Variants in MAP2K6 observed in about 807,000 individuals in gnomAD.
The protein encoded by MAP2K6 is mitogen-activated protein kinase kinase 6.
A neutral mutation model predicts 53.7 loss-of-function variants in MAP2K6; 16 were observed. That is an observed-to-expected ratio of 0.30 (90% CI 0.20 to 0.45). The LOEUF is 0.45. Ranked by LOEUF, MAP2K6 falls within the 20% of genes least tolerant of loss-of-function variation. The pLI, the probability that MAP2K6 is intolerant of heterozygous loss-of-function variation, is 1.00. For missense variants in MAP2K6, 204 were observed against 411.9 expected, an observed-to-expected ratio of 0.50 and a Z score of 4.37; for synonymous variants, 132 against 143.1, an observed-to-expected ratio of 0.92 and a Z score of 0.55.
chr17:69,451,055 A>G (rs1468396454), intron 1 of MAP2K6, among the ~76,000 whole-genome samples: 2 of 152,208 alleles, frequency 1.3e-5, no homozygotes, highest in African/African-American at 4.8e-5. Flanking sequence ...CAGAGAAAAC[A>G]GCGTGAATAA....
chr17:69,478,644 C>T (rs563910125), intron 1 of MAP2K6, among the ~76,000 whole-genome samples: 12 of 152,160 alleles, frequency 7.9e-5, no homozygotes, highest in African/African-American at 2.6e-4. Flanking sequence ...ATGTTGGTCT[C>T]GAACTCCTGA....
intron 1 of MAP2K6, chr17:69,485,569 G>T (rs1908502891): frequency 2.2e-6 from 1 of 453,336 alleles, no homozygotes; most frequent in Non-Finnish European, 2.9e-6. Flanking sequence ...ATGCTGCTTA[G>T]GACCCCATGG....
intron 2 of MAP2K6, among the ~76,000 whole-genome samples, chr17:69,508,756 A>T (rs1193652242): frequency 6.6e-6 from 1 of 152,226 alleles, no homozygotes; most frequent in Non-Finnish European, 1.5e-5. Flanking sequence ...TTTTGCATTT[A>T]AGCCCATGGT....
intron 2 of MAP2K6, among the ~76,000 whole-genome samples, chr17:69,512,297 T>G (rs1909863335): frequency 6.7e-6 from 1 of 150,366 alleles, no homozygotes. Context: ...ATGGTGCAGC[T>G]CTGGGTTCTA....
At chr17:69,509,149 T>C (rs1909681256) in intron 2 of MAP2K6, among the ~76,000 whole-genome samples, 1 of 152,230 alleles carries the variant, frequency 6.6e-6, no homozygotes, top group South Asian at 2.1e-4. Context: ...CAGAGAAACT[T>C]ACTGAGATTT....
Position 69,551,894 on chromosome 17 carries a change from T to G in MAP2K6, c.*10141T>G, listed in dbSNP as rs1336430601. 6.6e-6 allele frequency: 1 copy of G among 152,246 alleles called. No individual in the cohort carries two copies. Among genetic ancestry groups the G allele is most frequent in the Non-Finnish European group, 1.5e-5 (1 of 68,048 alleles). The allele number at this position is 152,246 out of a possible 1,614,324, so 9.4% of individuals were successfully genotyped here. On this transcript the variant is annotated 3_prime_UTR_variant, in exon 12 of 12. Transcript: ENST00000590474. ...TTATTTAAATACATGAACAGTTTTC[T>G]ATATATTTTGTGAAAATCTTGATGA...
intron 1 of MAP2K6, among the ~76,000 whole-genome samples, chr17:69,427,415 CAT>C (rs931506787): frequency 9.9e-5 from 15 of 151,620 alleles, no homozygotes; most frequent in African/African-American, 3.4e-4. Context: ...AAAAGATAAA[CAT>C]ATAAAAATAA....
chr17:69,458,747 G>A (rs910476959), intron 1 of MAP2K6, among the ~76,000 whole-genome samples: 1 of 152,136 alleles, frequency 6.6e-6, no homozygotes, highest in African/African-American at 2.4e-5. Flanking sequence ...GTTTTTGTTA[G>A]CATCTGTGGC....
chr17:69,501,726 C>T (rs1013161385), intron 1 of MAP2K6: 3 of 152,064 alleles, frequency 2.0e-5, no homozygotes, highest in Admixed American at 6.5e-5. Context: ...AATAAGCAGT[C>T]GAGGCTTGTT....
chr17:69,488,183 A>G (rs1353857169), intron 1 of MAP2K6, among the ~76,000 whole-genome samples: 2 of 152,214 alleles, frequency 1.3e-5, no homozygotes, highest in African/African-American at 4.8e-5. Flanking sequence ...ACATACAAAA[A>G]AATGCTCCAC....
intron 11 of MAP2K6, among the ~76,000 whole-genome samples, 168 bp from the exon 12 acceptor site, chr17:69,541,508 G>A (rs1911632782): frequency 6.6e-6 from 1 of 152,054 alleles, no homozygotes; most frequent in Non-Finnish European, 1.5e-5. Context: ...TCTTTAAAAT[G>A]TTTGCATCAC....
At chr17:69,436,536 C>T (rs999215019) in intron 1 of MAP2K6, among the ~76,000 whole-genome samples, 2 of 152,114 alleles carry the variant, frequency 1.3e-5, no homozygotes, top group African/African-American at 4.8e-5. Flanking sequence ...CAACAAGTAC[C>T]TTTAGAATAA....
chr17:69,492,975 A>C (rs1374698484), intron 1 of MAP2K6, among the ~76,000 whole-genome samples: 1 of 151,546 alleles, frequency 6.6e-6, no homozygotes, highest in Non-Finnish European at 1.5e-5. Context: ...CTGAATCCAA[A>C]GCCAGCATCA....
chr17:69,499,843 A>G (rs1463818532), intron 1 of MAP2K6, among the ~76,000 whole-genome samples: 2 of 152,104 alleles, frequency 1.3e-5, no homozygotes, highest in Non-Finnish European at 2.9e-5. Context: ...TTGTAGAGAG[A>G]GTGGACATTT....
intron 1 of MAP2K6, among the ~76,000 whole-genome samples, chr17:69,462,479 T>C (rs1907652773): frequency 6.6e-6 from 1 of 152,180 alleles, no homozygotes; most frequent in African/African-American, 2.4e-5. Flanking sequence ...ACCAGCCATC[T>C]AAGGAGCTTT....
At chr17:69,506,837 G>C (rs1372459959) in intron 2 of MAP2K6, among the ~76,000 whole-genome samples, 1 of 152,220 alleles carries the variant, frequency 6.6e-6, no homozygotes, top group Non-Finnish European at 1.5e-5. Context: ...CTACTCTTCA[G>C]GGTTCTGGAC....
chr17:69,509,534 G>T (rs1406399688), intron 2 of MAP2K6, among the ~76,000 whole-genome samples: 1 of 152,000 alleles, frequency 6.6e-6, no homozygotes, highest in Non-Finnish European at 1.5e-5. Context: ...AATCGTTAGG[G>T]TTTTCTATAT....
At chr17:69,499,625 TAACA>T (rs1909075842) in intron 1 of MAP2K6, among the ~76,000 whole-genome samples, 1 of 152,206 alleles carries the variant, frequency 6.6e-6, no homozygotes, top group South Asian at 2.1e-4. Context: ...GAGAAAAGAA[TAACA>T]AACATTCAGT....
chr17:69,503,391 A>C (rs1909272552), intron 1 of MAP2K6, among the ~76,000 whole-genome samples: 1 of 152,208 alleles, frequency 6.6e-6, no homozygotes, highest in African/African-American at 2.4e-5. Context: ...GGAAAGCTCT[A>C]TGCGATGTCA....
Sources: allele counts gnomAD v4.1 joint callset (sites outside exome capture counted in the v4.1 genomes callset), GRCh38; gene constraint gnomAD v4.1.1; transcripts MANE v1.5; gene names NCBI Gene and HGNC (gene_info 2026-07-23, HGNC 2026-07-21).